The following PLD5 variants were observed in gnomAD, a reference collection of about 807,000 sequenced individuals.
PLD5 encodes the protein phospholipase D family member 5.
In PLD5, 36 loss-of-function variants were observed where a neutral mutation model predicts 61.1. The observed-to-expected ratio is 0.59, with a 90% CI of 0.45 to 0.78. PLD5 has a LOEUF of 0.78. Among genes scored for constraint, PLD5 ranks in the 30% least tolerant of loss-of-function variants. The pLI is 0.00. For missense variants in PLD5, 515 were observed against 644.4 expected, an observed-to-expected ratio of 0.80 and a Z score of 2.17; for synonymous variants, 243 against 242.8, an observed-to-expected ratio of 1.00 and a Z score of -0.01.
chr1:242,279,772 T>A (rs12747731), intron 3 of PLD5, among the ~76,000 whole-genome samples: 3 of 152,170 alleles, frequency 2.0e-5, no homozygotes, highest in African/African-American at 7.2e-5. Context: ...GACCTCGTGA[T>A]CCACCCGCCT....
At chr1:242,449,252 C>A in intron 1 of PLD5, 1 of 1,421,084 alleles carries the variant, frequency 7.0e-7, no homozygotes, top group East Asian at 2.5e-5. Flanking sequence ...GCTCAAGTGA[C>A]TGTTCAGTCT....
At chr1:242,267,507 C>A (rs1373777081) in intron 3 of PLD5, among the ~76,000 whole-genome samples, 2 of 152,120 alleles carry the variant, frequency 1.3e-5, no homozygotes, top group Non-Finnish European at 2.9e-5. Context: ...CTCTGTACTC[C>A]AAAAGCCTGG....
chr1:242,173,653 A>C (rs1157727233), intron 5 of PLD5, among the ~76,000 whole-genome samples: 3 of 152,244 alleles, frequency 2.0e-5, no homozygotes, highest in Non-Finnish European at 1.5e-5. Context: ...CTATACTACA[A>C]GACTACAGTA....
At chr1:242,159,590 C>A (rs966733889) in intron 5 of PLD5, among the ~76,000 whole-genome samples, 2 of 152,058 alleles carry the variant, frequency 1.3e-5, no homozygotes, top group African/African-American at 4.8e-5. Flanking sequence ...TCTCCGTGAT[C>A]CCGCCCCAGA....
intron 2 of PLD5, among the ~76,000 whole-genome samples, chr1:242,325,525 G>C (rs1483317585): frequency 6.6e-6 from 1 of 152,018 alleles, no homozygotes; most frequent in Non-Finnish European, 1.5e-5. Context: ...GAGAGAGTCA[G>C]TCTTGCTCTG....
intron 2 of PLD5, among the ~76,000 whole-genome samples, chr1:242,295,147 A>G (rs1409878707): frequency 1.3e-5 from 2 of 152,060 alleles, no homozygotes; most frequent in African/African-American, 2.4e-5. Context: ...TAAAATTTTA[A>G]TTATAGATTC....
At chr1:242,293,227 C>A (rs1163659518) in intron 2 of PLD5, among the ~76,000 whole-genome samples, 1 of 152,080 alleles carries the variant, frequency 6.6e-6, no homozygotes, top group African/African-American at 2.4e-5. Flanking sequence ...GAGAAGATGA[C>A]AAAGAAGAAA....
chr1:242,339,355 T>C (rs1659707923), intron 2 of PLD5, among the ~76,000 whole-genome samples: 1 of 152,050 alleles, frequency 6.6e-6, no homozygotes, highest in South Asian at 2.1e-4. Flanking sequence ...ATAATGCCAA[T>C]AAAAGACCAA....
intron 2 of PLD5, among the ~76,000 whole-genome samples, chr1:242,334,499 G>C (rs1659386862): frequency 6.6e-6 from 1 of 152,164 alleles, no homozygotes; most frequent in African/African-American, 2.4e-5. Flanking sequence ...CTGGGCCATG[G>C]AGGCATGCAG....
upstream of PLD5, among the ~76,000 whole-genome samples, chr1:242,529,063 C>T (rs1669500883): frequency 6.6e-6 from 1 of 152,120 alleles, no homozygotes. Context: ...GAAATAGATT[C>T]AACAGCTAAA....
chr1:242,345,635 G>A, intron 2 of PLD5: 4 of 1,007,690 alleles, frequency 4.0e-6, no homozygotes, highest in Admixed American at 1.7e-5. Flanking sequence ...ACTTTCAGAA[G>A]GATTCTGTCA....
intron 8 of PLD5, among the ~76,000 whole-genome samples, chr1:242,105,423 C>A (rs1660974980): frequency 1.3e-5 from 2 of 152,102 alleles, no homozygotes; most frequent in African/African-American, 4.8e-5. Flanking sequence ...GGGGTTTCAC[C>A]ATGTTGTCCA....
chr1:242,506,076 A>G (rs1361505918), intron 1 of PLD5, among the ~76,000 whole-genome samples: 1 of 152,146 alleles, frequency 6.6e-6, no homozygotes, highest in Non-Finnish European at 1.5e-5. Flanking sequence ...TACATGTTAG[A>G]CCCATTTGCC....
rs563492052 is a variant in PLD5 at position 242,291,736 on chromosome 1, G to A, written c.327-3206C>T. 2.6e-5 allele frequency among the ~76,000 whole-genome samples: 4 copies of A among 152,242 alleles called. No individual in the cohort carries two copies. The South Asian group carries it at 8.3e-4, about 32-fold the overall frequency. ...CAGGAGAATGGCATGAACCCTGGGA[G>A]GTGGAGCTTGCAGTGAACCGAGATT... On this transcript the variant is annotated intron_variant, in intron 2 of 9. Coordinates refer to ENST00000536534, the MANE Select transcript of PLD5 (RefSeq NM_001372062.1).
chr1:242,178,237 T>G (rs1380424890), intron 5 of PLD5: 1 of 152,182 alleles, frequency 6.6e-6, no homozygotes, highest in Non-Finnish European at 1.5e-5. Flanking sequence ...TTATAAACCT[T>G]TAGCTATTCC....
intron 9 of PLD5, among the ~76,000 whole-genome samples, chr1:242,098,494 A>G (rs902286583): frequency 2.9e-4 from 44 of 152,090 alleles, no homozygotes; most frequent in African/African-American, 9.9e-4. Context: ...CTCCTTTGCC[A>G]TGGGTTCGAA....
chr1:242,102,177 C>G (rs981995377), intron 8 of PLD5, among the ~76,000 whole-genome samples: 1 of 152,220 alleles, frequency 6.6e-6, no homozygotes, highest in Non-Finnish European at 1.5e-5. Flanking sequence ...AATATCACAA[C>G]ACGTGGCCAC....
intron 3 of PLD5, among the ~76,000 whole-genome samples, chr1:242,280,555 T>A (rs774858506): frequency 1.5e-4 from 23 of 152,100 alleles, no homozygotes; most frequent in Non-Finnish European, 3.1e-4. Flanking sequence ...AAAACAAAAA[T>A]GAAATGTGTG....
chr1:242,178,068 C>T (rs974863495), intron 5 of PLD5, among the ~76,000 whole-genome samples: 2 of 152,202 alleles, frequency 1.3e-5, no homozygotes, highest in African/African-American at 4.8e-5. Context: ...AACAAATGTA[C>T]ACATTCCCTG....
Sources: allele counts gnomAD v4.1 joint callset (sites outside exome capture counted in the v4.1 genomes callset), GRCh38; gene constraint gnomAD v4.1.1; transcripts MANE v1.5; gene names NCBI Gene and HGNC (gene_info 2026-07-23, HGNC 2026-07-21).